Variants in ELAPOR2 observed in about 807,000 individuals in gnomAD.
The protein encoded by ELAPOR2 is endosome-lysosome associated apoptosis and autophagy regulator family member 2.
Under a neutral mutation model 120.7 loss-of-function variants are expected in ELAPOR2, and 89 were observed. The ratio of observed to expected loss-of-function variants is 0.74; its 90% CI spans 0.62 to 0.88. ELAPOR2 has a LOEUF of 0.88. Ranked by LOEUF, ELAPOR2 falls within the 40% of genes least tolerant of loss-of-function variation. The pLI is 0.00. For missense variants in ELAPOR2, 1,134 were observed against 1,251.6 expected, an observed-to-expected ratio of 0.91 and a Z score of 1.42; for synonymous variants, 444 against 444.9, an observed-to-expected ratio of 1.00 and a Z score of 0.03.
intron 10 of ELAPOR2, among the ~76,000 whole-genome samples, chr7:86,925,092 G>A (rs1039464552): frequency 1.3e-5 from 2 of 151,908 alleles, no homozygotes; most frequent in Admixed American, 1.3e-4. Context: ...TATATACTTT[G>A]TAAATACAAT....
chr7:87,004,129 G>A (rs1635020), intron 1 of ELAPOR2, among the ~76,000 whole-genome samples: 57,484 of 151,970 alleles, frequency 0.38, 11,724 homozygotes, highest in African/African-American at 0.53. Context: ...AAAGGGAGAG[G>A]GCCAAGGCAG....
chr7:86,893,204 G>A, intron 19 of ELAPOR2, 104 bp from the exon 20 acceptor site: 1 of 912,600 alleles, frequency 1.1e-6, no homozygotes, highest in Non-Finnish European at 1.6e-6. Flanking sequence ...CATAAAAGAA[G>A]AAAGGGTTTT....
intron 1 of ELAPOR2, among the ~76,000 whole-genome samples, chr7:87,017,941 A>C (rs551725265): frequency 6.6e-6 from 1 of 152,296 alleles, no homozygotes; most frequent in Admixed American, 6.5e-5. Context: ...AAAATAAAAT[A>C]AAAGCAGATA....
At chr7:86,973,919 A>G (rs1420351611) in intron 1 of ELAPOR2, among the ~76,000 whole-genome samples, 2 of 152,162 alleles carry the variant, frequency 1.3e-5, no homozygotes, top group Non-Finnish European at 2.9e-5. Flanking sequence ...ACATCCAAAC[A>G]TAAGAATAGC....
intron 1 of ELAPOR2, 38 bp downstream of exon 1, chr7:87,059,287 C>T: frequency 8.0e-7 from 1 of 1,246,198 alleles, no homozygotes; most frequent in East Asian, 3.2e-5. Context: ...CGCGCCCTCC[C>T]CCAGCAAACT....
chr7:87,047,638 C>G (rs1314052377), intron 1 of ELAPOR2, among the ~76,000 whole-genome samples: 1 of 152,180 alleles, frequency 6.6e-6, no homozygotes, highest in African/African-American at 2.4e-5. Context: ...CATCTCACCC[C>G]AGTTAAAATG....
chr7:86,965,474 G>A (rs1231486146), intron 1 of ELAPOR2, among the ~76,000 whole-genome samples: 2 of 152,192 alleles, frequency 1.3e-5, no homozygotes, highest in Non-Finnish European at 2.9e-5. Flanking sequence ...AAATTTAACA[G>A]AAGGTGTAAA....
intron 1 of ELAPOR2, among the ~76,000 whole-genome samples, chr7:87,002,405 C>A (rs1326203700): frequency 6.6e-6 from 1 of 152,138 alleles, no homozygotes; most frequent in Non-Finnish European, 1.5e-5. Flanking sequence ...GTGGCCATTG[C>A]TACTTCTCCA....
chr7:86,894,930 C>G (rs1374265748), intron 19 of ELAPOR2, among the ~76,000 whole-genome samples: 1 of 152,018 alleles, frequency 6.6e-6, no homozygotes, highest in Non-Finnish European at 1.5e-5. Flanking sequence ...GATAAGAGCA[C>G]TTCTATCACA....
At chr7:86,889,490 A>G (rs1463135799) in intron 21 of ELAPOR2, among the ~76,000 whole-genome samples, 1 of 151,534 alleles carries the variant, frequency 6.6e-6, no homozygotes, top group African/African-American at 2.4e-5. Flanking sequence ...TCAATCTGAT[A>G]ATCAAAATGA....
rs1454274529 is a variant in ELAPOR2, at chr7:86,879,881, T to TTTA, written c.*589_*590insTAA. On this transcript the variant is annotated 3_prime_UTR_variant, in exon 22 of 22. Coordinates refer to ENST00000450689, the MANE Select transcript of ELAPOR2 (RefSeq NM_001142749.3). ...TATAAATCTAGATAACCCAAGCACA[T>TTTA]GCTAACTCTTCCTGAAATTTAAATC... 3 of 152,234 alleles carry TTTA rather than the reference T, an allele frequency of 2.0e-5. No homozygotes were observed. Among genetic ancestry groups the TTTA allele is most frequent in the African/African-American group, 7.2e-5 (3 of 41,450 alleles). The allele number at this position is 152,234 out of a possible 1,614,324, so 9.4% of individuals were successfully genotyped here. A position where few individuals can be genotyped will look rare whatever the true frequency, so the allele number is the denominator to read the frequency against.
intron 15 of ELAPOR2, among the ~76,000 whole-genome samples, 179 bp from the exon 16 acceptor site, chr7:86,910,180 A>G (rs1481070773): frequency 1.3e-5 from 2 of 152,058 alleles, no homozygotes; most frequent in African/African-American, 4.8e-5. Flanking sequence ...TCTCAAGGAA[A>G]GTCCAATATT....
intron 8 of ELAPOR2, among the ~76,000 whole-genome samples, chr7:86,934,396 A>G (rs147659736): frequency 1.1e-4 from 16 of 152,152 alleles, no homozygotes; most frequent in African/African-American, 2.9e-4. Context: ...TCTTCACCCA[A>G]TTCAACCTGG....
At chr7:87,018,914 A>T (rs1309015509) in intron 1 of ELAPOR2, among the ~76,000 whole-genome samples, 2 of 152,328 alleles carry the variant, frequency 1.3e-5, no homozygotes, top group Middle Eastern at 3.4e-3. Flanking sequence ...CCATGTTCAA[A>T]CAAGACAATA....
At chr7:86,914,180 T>C (rs113547015) in intron 13 of ELAPOR2, among the ~76,000 whole-genome samples, 4 of 152,284 alleles carry the variant, frequency 2.6e-5, no homozygotes, top group African/African-American at 7.2e-5. Context: ...TATTGAAACA[T>C]ATGGTACAAT....
chr7:86,990,039 AT>A (rs1008622327), intron 1 of ELAPOR2, among the ~76,000 whole-genome samples: 20 of 147,862 alleles, frequency 1.4e-4, no homozygotes, highest in Admixed American at 6.1e-4. Flanking sequence ...TTCTGCTCTT[AT>A]TTTTTTTTTA....
intron 1 of ELAPOR2, among the ~76,000 whole-genome samples, chr7:87,029,921 C>T (rs186012943): frequency 6.6e-6 from 1 of 152,112 alleles, no homozygotes; most frequent in Non-Finnish European, 1.5e-5. Flanking sequence ...GAAGTAGAGT[C>T]AAATGCCTCA....
intron 8 of ELAPOR2, among the ~76,000 whole-genome samples, chr7:86,932,661 A>C (rs1416831879): frequency 6.6e-6 from 1 of 151,974 alleles, no homozygotes; most frequent in Non-Finnish European, 1.5e-5. Context: ...ACAAATGAGA[A>C]ACTTACTGTT....
chr7:86,941,376 A>G (rs755053095), intron 5 of ELAPOR2: 1 of 532,794 alleles, frequency 1.9e-6, no homozygotes, highest in Admixed American at 1.9e-5. Context: ...CAAGCATTTA[A>G]GGAGCTGTCC....
Sources: gnomAD v4.1 joint callset for allele counts (sites outside exome capture counted in the v4.1 genomes callset) on GRCh38, gnomAD v4.1.1 for gene constraint, MANE v1.5 for transcripts, NCBI Gene and HGNC (gene_info 2026-07-23, HGNC 2026-07-21) for gene names.